The following ZCCHC7 variants were observed in gnomAD, a reference collection of about 807,000 sequenced individuals.
The protein encoded by ZCCHC7 is zinc finger CCHC-type containing 7.
A neutral mutation model predicts 52.0 loss-of-function variants in ZCCHC7; 35 were observed. That is an observed-to-expected ratio of 0.67 (90% confidence interval 0.51 to 0.89). ZCCHC7 has a LOEUF of 0.89. ZCCHC7 is among the 40% of genes least tolerant of loss of function. ZCCHC7 has a pLI of 0.00. For synonymous variants in ZCCHC7, 217 were observed against 221.5 expected (o/e 0.98, Z 0.18); for missense variants, 574 against 649.1 (o/e 0.88, Z 1.26).
chr9:37,232,514 G>A (rs1017625410), intron 2 of ZCCHC7, among the ~76,000 whole-genome samples: 4 of 152,174 alleles, frequency 2.6e-5, no homozygotes, highest in Non-Finnish European at 4.4e-5. Context: ...GTGAAGAACA[G>A]GAGTCAGCAA....
intron 4 of ZCCHC7, 44 bp from the exon 5 acceptor site, chr9:37,305,500 A>T: frequency 6.2e-7 from 1 of 1,605,074 alleles, no homozygotes; most frequent in South Asian, 1.1e-5. Flanking sequence ...CTAATCTTCT[A>T]CCTTTTGAGA....
chr9:37,309,719 T>G (rs1329354110), intron 5 of ZCCHC7, among the ~76,000 whole-genome samples: 1 of 152,174 alleles, frequency 6.6e-6, no homozygotes, highest in Non-Finnish European at 1.5e-5. Flanking sequence ...GCCACAAGTT[T>G]GAGGCCAGCC....
intron 2 of ZCCHC7, among the ~76,000 whole-genome samples, chr9:37,137,769 G>A (rs1843060491): frequency 6.6e-6 from 1 of 152,088 alleles, no homozygotes; most frequent in Non-Finnish European, 1.5e-5. Context: ...CATAGGAAAG[G>A]ATCATTATTT....
At chr9:37,319,926 A>G (rs780308069) in intron 5 of ZCCHC7, among the ~76,000 whole-genome samples, 49 of 152,196 alleles carry the variant, frequency 3.2e-4, no homozygotes, top group Admixed American at 2.7e-3. Context: ...ATCTTTGTCA[A>G]AGGTCAATTG....
At chr9:37,192,152 T>A (rs1439471216) in intron 2 of ZCCHC7, among the ~76,000 whole-genome samples, 1 of 152,182 alleles carries the variant, frequency 6.6e-6, no homozygotes, top group Non-Finnish European at 1.5e-5. Flanking sequence ...CAGAAGAAAG[T>A]CTATAGGGTT....
chr9:37,262,608 G>A (rs1826921239), intron 2 of ZCCHC7, among the ~76,000 whole-genome samples: 1 of 151,998 alleles, frequency 6.6e-6, no homozygotes, highest in Non-Finnish European at 1.5e-5. Context: ...GCCCTCTCCT[G>A]GTCATCTATG....
At chr9:37,345,816 AT>A (rs1820928992) in intron 6 of ZCCHC7, among the ~76,000 whole-genome samples, 1 of 151,718 alleles carries the variant, frequency 6.6e-6, no homozygotes, top group Non-Finnish European at 1.5e-5. Context: ...TGTTATTTTT[AT>A]TATATCTCAA....
At chr9:37,347,153 T>A (rs952945659) in intron 6 of ZCCHC7, among the ~76,000 whole-genome samples, 5 of 152,208 alleles carry the variant, frequency 3.3e-5, no homozygotes, top group Non-Finnish European at 5.9e-5. Flanking sequence ...TCCCCCTGTT[T>A]ACAGCCACCA....
chr9:37,302,070 A>T, intron 2 of ZCCHC7, 118 bp from the exon 3 acceptor site: 1 of 805,918 alleles, frequency 1.2e-6, no homozygotes, highest in South Asian at 1.6e-5. Flanking sequence ...CAGGTATTCA[A>T]CATTTCTCAG....
chr9:37,123,192 T>G (rs981257745), intron 1 of ZCCHC7, among the ~76,000 whole-genome samples: 34 of 1,694 alleles, frequency 0.02, no homozygotes, highest in Admixed American at 0.17. Context: ...GAGTCAAGGG[T>G]GTGTGTGTGT....
intron 6 of ZCCHC7, among the ~76,000 whole-genome samples, chr9:37,339,331 G>C (rs1191821790): frequency 6.6e-6 from 1 of 152,122 alleles, no homozygotes; most frequent in Non-Finnish European, 1.5e-5. Flanking sequence ...GTTGAAGTAG[G>C]CCTAGAGTTC....
intron 2 of ZCCHC7, among the ~76,000 whole-genome samples, chr9:37,216,096 A>G (rs912468816): frequency 4.6e-5 from 7 of 152,156 alleles, no homozygotes; most frequent in South Asian, 2.1e-4. Context: ...GAGGCTTTAA[A>G]CTGTTCCTGA....
intron 2 of ZCCHC7, among the ~76,000 whole-genome samples, chr9:37,274,309 T>C (rs1827576155): frequency 6.6e-6 from 1 of 151,056 alleles, no homozygotes; most frequent in Non-Finnish European, 1.5e-5. Context: ...TATAATTTTA[T>C]GAAAATTACC....
At chr9:37,334,222 C>T (rs1361512561) in intron 6 of ZCCHC7, among the ~76,000 whole-genome samples, 1 of 151,892 alleles carries the variant, frequency 6.6e-6, no homozygotes, top group East Asian at 1.9e-4. Context: ...AGTGATCAAA[C>T]TTGTCATAGT....
intron 2 of ZCCHC7, among the ~76,000 whole-genome samples, chr9:37,176,388 A>C (rs1822033021): frequency 6.6e-6 from 1 of 152,110 alleles, no homozygotes; most frequent in Admixed American, 6.5e-5. Flanking sequence ...TCATTTGTTA[A>C]ATACGCTTTC....
chr9:37,221,865 A>G (rs1481649958), intron 2 of ZCCHC7, among the ~76,000 whole-genome samples: 1 of 152,204 alleles, frequency 6.6e-6, no homozygotes, highest in Non-Finnish European at 1.5e-5. Context: ...ATGTGAAACC[A>G]GTAGTTATTC....
chr9:37,200,643 A>G (rs910361687), intron 2 of ZCCHC7, among the ~76,000 whole-genome samples: 4 of 152,238 alleles, frequency 2.6e-5, no homozygotes, highest in African/African-American at 7.2e-5. Flanking sequence ...GTGAGGGTAG[A>G]AGCGGGAGCC....
At chr9:37,229,356 T>G (rs1010189571) in intron 2 of ZCCHC7, among the ~76,000 whole-genome samples, 1 of 152,168 alleles carries the variant, frequency 6.6e-6, no homozygotes, top group Admixed American at 6.5e-5. Context: ...CAGGGATACA[T>G]TCCAAGAAAT....
intron 2 of ZCCHC7, among the ~76,000 whole-genome samples, chr9:37,260,464 A>G (rs1408339419): frequency 6.6e-6 from 1 of 152,214 alleles, no homozygotes; most frequent in Non-Finnish European, 1.5e-5. Context: ...GTACAAGTTC[A>G]AAGTCATTAA....
Sources: gnomAD v4.1 joint callset for allele counts (sites outside exome capture counted in the v4.1 genomes callset) on GRCh38, gnomAD v4.1.1 for gene constraint, MANE v1.5 for transcripts, NCBI Gene and HGNC (gene_info 2026-07-23, HGNC 2026-07-21) for gene names.